UBN2: variants seen among roughly 807,000 people sequenced by gnomAD.
The protein encoded by UBN2 is ubinuclein-2.
In UBN2, 35 loss-of-function variants were observed where a neutral mutation model predicts 120.2. That is an observed-to-expected ratio of 0.29 (90% CI 0.22 to 0.39). UBN2 has a LOEUF of 0.39. Ranked by LOEUF, UBN2 falls within the 10% of genes least tolerant of loss-of-function variation. The pLI is 1.00. For synonymous variants in UBN2, 661 were observed against 648.7 expected, an observed-to-expected ratio of 1.02 and a Z score of -0.29; for missense variants, 1,693 against 1,663.2, an observed-to-expected ratio of 1.02 and a Z score of -0.31.
Position 139,231,658 on chromosome 7 carries a change from C to G in UBN2, c.174C>G (p.Ala58=). The change falls in exon 1 of 18, where the codon GCC becomes GCG. Residue 58 remains alanine (A), a synonymous_variant. Transcript: ENST00000473989. ...RAEPPAPREP[A]PRSDAQPPSR... is the part of the protein sequence containing the mutation. ...AGCCGCCGGCCCCGCGGGAGCCTGC[C>G]CCCCGCTCGGACGCGCAGCCCCCGT... 3.3e-6 allele frequency: 4 copies of G among 1,201,540 alleles called. No individual in the cohort carries two copies. The highest frequency in any genetic ancestry group is 4.1e-6 in the Non-Finnish European group (4 of 971,172). 74.4% of individuals were successfully genotyped at this position (1,201,540 alleles called of 1,614,324 possible).
At chr7:139,243,342 TCTA>T (rs1270164641) in intron 2 of UBN2, among the ~76,000 whole-genome samples, 2 of 152,208 alleles carry the variant, frequency 1.3e-5, no homozygotes, top group Non-Finnish European at 2.9e-5. Flanking sequence ...TTTTATAAGA[TCTA>T]CTTAATTTAT....
chr7:139,288,601 T>G (rs1191909898), intron 15 of UBN2, among the ~76,000 whole-genome samples: 1 of 152,124 alleles, frequency 6.6e-6, no homozygotes, highest in Non-Finnish European at 1.5e-5. Flanking sequence ...TGGAGGTTCT[T>G]AAACAGGGGA....
chr7:139,293,413 C>G lies in UBN2; in HGVS notation c.3851C>G (p.Thr1284Arg). ...FGFGTDTAGV[T>R]TTSGSTSAAF... Reference sequence around the variant, plus strand: ...TTTGGAACGGACACAGCTGGAGTGACAACCACCTCGGGATCTACCTCAGCC... The same window carrying G: ...TTTGGAACGGACACAGCTGGAGTGAGAACCACCTCGGGATCTACCTCAGCC... Residue 1284 changes from threonine to arginine, a missense_variant, in exon 16 of 18, where the codon ACA becomes AGA. Physicochemically the swap from Thr to Arg is moderately conservative, Grantham distance 71 (BLOSUM62 -1). This residue lies in a region of UBN2 where 837 missense variants were observed against 817.6 expected (regional missense o/e 1.02). Transcript: ENST00000473989. The G allele has an allele frequency of 6.2e-7, 1 of 1,614,144 alleles. No individual in the cohort carries two copies.
rs190576580 is a variant in UBN2 at position 139,252,054 on chromosome 7, G to A, written c.660G>A (p.Glu220=). ...DETDPFIDNS[E]AYDELVPASL... ...CAGATCCATTTATTGATAACTCAGA[G>A]GCTGTGAGTAATGTATCTTTAATAT... The change falls in exon 3 of 18, where the codon GAG becomes GAA. Residue 220 remains glutamate (E), a synonymous_variant. Transcript: ENST00000473989. 4.2e-4 allele frequency: 681 copies of A among 1,613,114 alleles called. 3 individuals carry two copies. In the African/African-American group the frequency reaches 7.8e-3, roughly 19 times the overall value.
chr7:139,321,665 G>A, the UBN2 span, among the ~76,000 whole-genome samples: 1 of 152,036 alleles, frequency 6.6e-6, no homozygotes, highest in African/African-American at 2.4e-5. Flanking sequence ...GCCTCTGGGG[G>A]ACAGCAGGTG....
the UBN2 span, among the ~76,000 whole-genome samples, chr7:139,328,714 G>A: frequency 1.2e-4 from 19 of 152,112 alleles, no homozygotes; most frequent in South Asian, 3.5e-3. Flanking sequence ...TCAGAAATCA[G>A]ATAGTCAGGT....
chr7:139,324,562 A>AAC, the UBN2 span, among the ~76,000 whole-genome samples: 1 of 150,990 alleles, frequency 6.6e-6, no homozygotes, highest in Non-Finnish European at 1.5e-5. Context: ...TCTCAAAAAA[A>AAC]AAAAAAAAAA....
intron 8 of UBN2, among the ~76,000 whole-genome samples, chr7:139,270,459 G>T (rs1213443806): frequency 6.6e-6 from 1 of 151,980 alleles, no homozygotes; most frequent in East Asian, 1.9e-4. Context: ...TAAAGATGGG[G>T]TTTCTCCATG....
the UBN2 span, among the ~76,000 whole-genome samples, chr7:139,322,561 A>G: frequency 2.0e-5 from 3 of 151,376 alleles, no homozygotes; most frequent in Admixed American, 6.6e-5. Context: ...AATCTAAGCC[A>G]GCAATGGGGA....
At chr7:139,315,370 G>A in the UBN2 span, 1 of 152,178 alleles carries the variant, frequency 6.6e-6, no homozygotes, top group African/African-American at 2.4e-5. Context: ...TCCAGTTTTA[G>A]TATATGTGCC....
At position 139,261,607 on chromosome 7, in the gene UBN2, CT is replaced by C. The variant is rs1796935716; in HGVS notation, c.1262del (p.Leu421HisfsTer45). 1 of 1,614,102 alleles carries C rather than the reference CT, an allele frequency of 6.2e-7. No homozygotes were observed. Among genetic ancestry groups the C allele is most frequent in the Non-Finnish European group, 8.5e-7 (1 of 1,180,052 alleles). On this transcript the variant is annotated frameshift_variant, in exon 6 of 18. Transcript: ENST00000473989. LOFTEE classifies it high-confidence loss of function. ...LLDAASDGSP[L>X]SESGGENGTT... ...GGATGCTGCTTCTGATGGTAGCCCCCTATCTGAGTCGGGGGGTGAAAATGGA... is the reference window on the plus strand; with the variant it reads ...GGATGCTGCTTCTGATGGTAGCCCCCATCTGAGTCGGGGGGTGAAAATGGA...
chr7:139,273,847 G>A, intron 10 of UBN2, 84 bp from the exon 11 acceptor site: 4 of 1,219,126 alleles, frequency 3.3e-6, no homozygotes, highest in Middle Eastern at 2.0e-4. Flanking sequence ...GTTATTTTCT[G>A]AATTTTTCAC....
chr7:139,232,406 ATCATCC>A (rs1390876100), intron 1 of UBN2, among the ~76,000 whole-genome samples: 1 of 152,206 alleles, frequency 6.6e-6, no homozygotes, highest in African/African-American at 2.4e-5. Context: ...CCCCTCTCGT[ATCATCC>A]TCATCCTCAT....
intron 7 of UBN2, 77 bp downstream of exon 7, chr7:139,266,480 T>A: frequency 2.6e-6 from 2 of 781,760 alleles, no homozygotes; most frequent in Non-Finnish European, 4.1e-6. Flanking sequence ...AGATACTGAG[T>A]GGTTGGCAAG....
the UBN2 span, among the ~76,000 whole-genome samples, chr7:139,322,582 T>G: frequency 6.6e-6 from 1 of 150,396 alleles, no homozygotes; most frequent in South Asian, 2.1e-4. Flanking sequence ...GACGTTTCAT[T>G]GGAACTTTGG....
rs1197768680 is a variant in UBN2 at position 139,284,316 on chromosome 7, T to G, written c.3411T>G (p.Leu1137=). The change falls in exon 15 of 18, where the codon CTT becomes CTG. Residue 1137 remains leucine (L), a synonymous_variant. Transcript: ENST00000473989. Reference sequence around the variant, plus strand: ...TGCCCTCTAGTCGCACTTCAGGCCTTCCACCTACAAAAAATCTTCAGGCCC... The same window carrying G: ...TGCCCTCTAGTCGCACTTCAGGCCTGCCACCTACAAAAAATCTTCAGGCCC... The part of the protein sequence containing the change: ...NLLPSSRTSG[L]PPTKNLQAPS... 9 of 1,614,010 alleles carry G rather than the reference T, an allele frequency of 5.6e-6. No individual in the cohort carries two copies. The Admixed American group carries it at 1.0e-4, about 18-fold the overall frequency.
chr7:139,293,498 A>G (rs1474931218), intron 16 of UBN2, 35 bp downstream of exon 16: 1 of 1,575,030 alleles, frequency 6.3e-7, no homozygotes. Flanking sequence ...TGGGCTGTCT[A>G]GCTTGACAGA....
chr7:139,268,516 AC>A (rs141082491), intron 7 of UBN2, among the ~76,000 whole-genome samples: 2 of 150,346 alleles, frequency 1.3e-5, no homozygotes, highest in South Asian at 2.1e-4. Flanking sequence ...GGAATAGGGA[AC>A]CCCCCCTTTT....
chr7:139,324,960 A>G, the UBN2 span, among the ~76,000 whole-genome samples: 2 of 151,646 alleles, frequency 1.3e-5, no homozygotes, highest in Non-Finnish European at 1.5e-5. Context: ...ACAGAGCAAG[A>G]CTCCATCTCA....
Sources: gnomAD v4.1 joint callset for allele counts (sites outside exome capture counted in the v4.1 genomes callset) on GRCh38, gnomAD v4.1.1 for gene constraint, gnomAD v4.1.1 regional missense constraint, MANE v1.5 for transcripts, NCBI Gene and HGNC (gene_info 2026-07-23, HGNC 2026-07-21) for gene names.